Variants in PTPRT observed in about 807,000 individuals in gnomAD.
PTPRT encodes receptor-type tyrosine-protein phosphatase T.
A neutral mutation model predicts 176.8 loss-of-function variants in PTPRT; 56 were observed. That is an observed-to-expected ratio of 0.32 (90% CI 0.26 to 0.40). PTPRT has a LOEUF of 0.40. Ranked by LOEUF, PTPRT falls within the 10% of genes least tolerant of loss-of-function variation. The probability of loss-of-function intolerance (pLI) is 1.00; values close to 1 mark genes in which losing one functional copy is unlikely to be tolerated. For synonymous variants in PTPRT, 783 were observed against 739.0 expected (o/e 1.06, Z -0.96); for missense variants, 1,540 against 1,908.2 (o/e 0.81, Z 3.60).
intron 9 of PTPRT, among the ~76,000 whole-genome samples, chr20:42,437,959 C>T (rs6030239): frequency 0.81 from 122,649 of 152,218 alleles, 49,610 homozygotes; most frequent in Admixed American, 0.84. Context: ...GTAAAACATC[C>T]GAGATGAAAA....
chr20:42,229,840 C>CT (rs1269222012), intron 15 of PTPRT, among the ~76,000 whole-genome samples: 1 of 152,052 alleles, frequency 6.6e-6, no homozygotes, highest in African/African-American at 2.4e-5. Flanking sequence ...CTAGAGTTAT[C>CT]TAAAAAATGA....
chr20:42,411,379 T>C (rs2059014949), intron 9 of PTPRT, among the ~76,000 whole-genome samples: 1 of 151,602 alleles, frequency 6.6e-6, no homozygotes, highest in East Asian at 1.9e-4. Flanking sequence ...TAGCCAGGCA[T>C]GGTGGTGTGC....
chr20:42,119,875 C>A (rs1301034981), intron 20 of PTPRT, 60 bp downstream of exon 20: 1 of 1,457,640 alleles, frequency 6.9e-7, no homozygotes, highest in Non-Finnish European at 9.5e-7. Context: ...GTTAAGAGAG[C>A]CCTTTCCCCT....
chr20:43,018,484 C>A (rs527507786), intron 1 of PTPRT, among the ~76,000 whole-genome samples: 1 of 152,044 alleles, frequency 6.6e-6, no homozygotes, highest in Non-Finnish European at 1.5e-5. Context: ...TAAAATCATA[C>A]AAGAAAAGGT....
At chr20:42,941,980 A>G (rs1032664754) in intron 1 of PTPRT, among the ~76,000 whole-genome samples, 2 of 151,912 alleles carry the variant, frequency 1.3e-5, no homozygotes, top group African/African-American at 4.8e-5. Flanking sequence ...TTGAGAAGTC[A>G]TTCCTCCCAT....
At chr20:43,171,422 G>T (rs1252514702) in intron 1 of PTPRT, among the ~76,000 whole-genome samples, 3 of 152,034 alleles carry the variant, frequency 2.0e-5, no homozygotes, top group South Asian at 4.1e-4. Context: ...AATTCCAGTA[G>T]AAAAAAGTCA....
chr20:43,006,285 A>T (rs549953730), intron 1 of PTPRT, among the ~76,000 whole-genome samples: 38 of 152,346 alleles, frequency 2.5e-4, no homozygotes, highest in Admixed American at 1.0e-3. Context: ...ATGAGAAAGA[A>T]AACTTTTATT....
At chr20:42,568,923 T>C (rs574708114) in intron 7 of PTPRT, among the ~76,000 whole-genome samples, 1 of 150,392 alleles carries the variant, frequency 6.6e-6, no homozygotes, top group South Asian at 2.1e-4. Context: ...ATAGCAGATG[T>C]CTGTAGTCCC....
chr20:42,795,937 G>A (rs1161121667), intron 2 of PTPRT, among the ~76,000 whole-genome samples: 1 of 152,180 alleles, frequency 6.6e-6, no homozygotes, highest in African/African-American at 2.4e-5. Flanking sequence ...AGGTAACAGT[G>A]AGCCCAATGC....
chr20:43,124,843 C>A (rs2013383067), intron 1 of PTPRT, among the ~76,000 whole-genome samples: 1 of 152,166 alleles, frequency 6.6e-6, no homozygotes, highest in Non-Finnish European at 1.5e-5. Context: ...ATTTGAAGTT[C>A]ATGAGCAAAC....
rs543185668 is a variant in PTPRT at position 43,134,291 on chromosome 20, A to T, written c.88+55355T>A. Among the ~76,000 whole-genome samples the T allele has an allele frequency of 1.2e-4, 19 of 152,316 alleles. No homozygotes were observed. In the East Asian group the frequency reaches 2.7e-3, roughly 22 times the overall value. On this transcript the variant is annotated intron_variant, in intron 1 of 30. Transcript: ENST00000373187. ...GGCCAAACTTTAGTCAGGCTTCTGA[A>T]CCTTTTCCTTGGCCCATCTGTGTAC...
At chr20:42,308,361 G>A (rs1266473980) in intron 12 of PTPRT, among the ~76,000 whole-genome samples, 1 of 152,066 alleles carries the variant, frequency 6.6e-6, no homozygotes, top group Non-Finnish European at 1.5e-5. Flanking sequence ...TAAACTAAGA[G>A]GAATACAGCC....
intron 12 of PTPRT, among the ~76,000 whole-genome samples, chr20:42,306,415 A>AT (rs1246260594): frequency 6.6e-6 from 1 of 152,274 alleles, no homozygotes; most frequent in East Asian, 1.9e-4. Context: ...AGGCAGATAA[A>AT]TGGGGCATGG....
chr20:42,784,034 C>T (rs1252954186), intron 3 of PTPRT, among the ~76,000 whole-genome samples: 1 of 152,158 alleles, frequency 6.6e-6, no homozygotes, highest in African/African-American at 2.4e-5. Context: ...TGTGGACCTA[C>T]CATCTATTGC....
intron 3 of PTPRT, among the ~76,000 whole-genome samples, chr20:42,787,059 G>A (rs914363924): frequency 6.6e-6 from 1 of 152,170 alleles, no homozygotes; most frequent in Non-Finnish European, 1.5e-5. Context: ...TGCTTTCATG[G>A]TACAATGGCA....
intron 7 of PTPRT, among the ~76,000 whole-genome samples, chr20:42,604,019 T>G (rs1393264876): frequency 6.6e-6 from 1 of 152,172 alleles, no homozygotes; most frequent in Non-Finnish European, 1.5e-5. Context: ...TAATAAAAGA[T>G]TAGCACATAA....
chr20:42,209,740 C>T (rs1180728902), intron 15 of PTPRT, among the ~76,000 whole-genome samples: 4 of 152,172 alleles, frequency 2.6e-5, no homozygotes, highest in African/African-American at 9.7e-5. Context: ...TGGTACCATT[C>T]CTTCTGAAAC....
intron 12 of PTPRT, among the ~76,000 whole-genome samples, chr20:42,307,355 C>T (rs1006772464): frequency 9.2e-5 from 14 of 152,130 alleles, no homozygotes; most frequent in African/African-American, 3.4e-4. Context: ...AGCAGAGACC[C>T]TCTGCTGACC....
intron 7 of PTPRT, among the ~76,000 whole-genome samples, chr20:42,549,414 A>G (rs2145607873): frequency 6.6e-6 from 1 of 152,292 alleles, no homozygotes; most frequent in East Asian, 1.9e-4. Flanking sequence ...AGTGTAAATT[A>G]AATGTATTAA....
Sources: allele counts gnomAD v4.1 joint callset (sites outside exome capture counted in the v4.1 genomes callset), GRCh38; gene constraint gnomAD v4.1.1; transcripts MANE v1.5; gene names NCBI Gene and HGNC (gene_info 2026-07-23, HGNC 2026-07-21).